Variants in PRIM2 observed in about 807,000 individuals in gnomAD.
PRIM2 encodes DNA primase subunit 2.
Under a neutral mutation model 67.3 loss-of-function variants are expected in PRIM2, and 39 were observed. The observed-to-expected ratio is 0.58, with a 90% confidence interval of 0.45 to 0.76. PRIM2 has a LOEUF of 0.76. Among genes scored for constraint, PRIM2 ranks in the 30% least tolerant of loss-of-function variants. The probability of loss-of-function intolerance (pLI) is 0.00; values close to 1 mark genes in which losing one functional copy is unlikely to be tolerated. For synonymous variants in PRIM2, 143 were observed against 198.7 expected, an observed-to-expected ratio of 0.72 and a Z score of 2.36; for missense variants, 398 against 598.7, an observed-to-expected ratio of 0.66 and a Z score of 3.50.
intron 9 of PRIM2, among the ~76,000 whole-genome samples, chr6:57,533,276 AT>A (rs1348804106): frequency 6.6e-6 from 1 of 152,116 alleles, no homozygotes; most frequent in Non-Finnish European, 1.5e-5. Context: ...ACATAACAGC[AT>A]TTGCACTCCA....
intron 7 of PRIM2, among the ~76,000 whole-genome samples, chr6:57,460,616 T>TAA (rs10667805): frequency 3.1e-5 from 4 of 129,738 alleles, no homozygotes; most frequent in South Asian, 2.6e-4. Context: ...CATCCTGATT[T>TAA]AAAAAAAAAA....
intron 8 of PRIM2, among the ~76,000 whole-genome samples, chr6:57,509,254 A>G (rs1240967480): frequency 1.3e-5 from 2 of 151,848 alleles, no homozygotes; most frequent in East Asian, 3.8e-4. Flanking sequence ...CAAGTCTAAT[A>G]TTTCAGCAGG....
chr6:57,466,450 C>T lies in PRIM2; in HGVS notation c.694-40937C>T, dbSNP rs527631903. ...TACACTCCCACAAACAGTGTAAAAG[C>T]GTTCCTATTTCTCCACATCCTCTCC... On this transcript the variant is annotated intron_variant, in intron 7 of 13. Transcript: ENST00000615550. 6.5e-3 allele frequency among the ~76,000 whole-genome samples: 996 copies of T among 152,256 alleles called. 11 individuals are homozygous for T. Among genetic ancestry groups the T allele is most frequent in the African/African-American group, 0.023 (943 of 41,556 alleles).
At chr6:57,343,440 T>C (rs1768561500) in intron 5 of PRIM2, among the ~76,000 whole-genome samples, 1 of 152,162 alleles carries the variant, frequency 6.6e-6, no homozygotes, top group Non-Finnish European at 1.5e-5. Context: ...GCCTGCAAAA[T>C]AGAGAGCTGT....
chr6:57,645,944 T>A lies in PRIM2; in HGVS notation c.1316T>A (p.Phe439Tyr). 1.3e-6 allele frequency: 2 copies of A among 1,588,380 alleles called. No individual in the cohort carries two copies. The highest frequency in any genetic ancestry group is 1.7e-6 in the Non-Finnish European group (2 of 1,157,508). ...EMIHNVDDCGFSLNHPNQFFC... is the reference protein window; with the variant it reads ...EMIHNVDDCGYSLNHPNQFFC... ...CCTTTACAGGTGGATGATTGTGGCT[T>A]TTCTTTGAATCATCCTAATCAGTTC... is the stretch of plus-strand genomic sequence containing the variant. Residue 439 changes from phenylalanine to tyrosine, a missense_variant, in exon 14 of 14, where the codon TTT (phenylalanine) becomes TAT (tyrosine). By Grantham distance (22) the Phe-to-Tyr change is conservative (BLOSUM62 3). Coordinates refer to ENST00000615550, the MANE Select transcript of PRIM2 (RefSeq NM_000947.5).
the PRIM2 span, among the ~76,000 whole-genome samples, chr6:57,230,618 C>T: frequency 6.6e-6 from 1 of 152,056 alleles, no homozygotes; most frequent in Non-Finnish European, 1.5e-5. Flanking sequence ...CATCACTTGC[C>T]AGGGGTCGTA....
the PRIM2 span, among the ~76,000 whole-genome samples, chr6:57,276,506 A>G: frequency 6.6e-6 from 1 of 152,144 alleles, no homozygotes; most frequent in African/African-American, 2.4e-5. Flanking sequence ...TATAATAGTA[A>G]AAAAGAAAAG....
Position 57,554,056 on chromosome 6 carries a change from G to A in PRIM2, c.1020+16431G>A, listed in dbSNP as rs1443397987. ...TGATGATTATCTGCTACAGTTTTAC[G>A]TATTTTAATCATTAACTTATTGATT... On this transcript the variant is annotated intron_variant, in intron 10 of 13. Transcript: ENST00000615550. 3.3e-5 allele frequency among the ~76,000 whole-genome samples: 5 copies of A among 152,188 alleles called. No homozygotes were observed. In the East Asian group the frequency reaches 5.8e-4, roughly 18 times the overall value.
chr6:57,549,694 T>C (rs1406522937), intron 10 of PRIM2, among the ~76,000 whole-genome samples: 2 of 152,248 alleles, frequency 1.3e-5, no homozygotes, highest in Non-Finnish European at 2.9e-5. Flanking sequence ...GACACAAATA[T>C]TAGTTTTCTA....
chr6:57,263,391 C>T, the PRIM2 span, among the ~76,000 whole-genome samples: 2 of 152,190 alleles, frequency 1.3e-5, no homozygotes, highest in African/African-American at 4.8e-5. Flanking sequence ...CTTGCCCCTT[C>T]CCAGCTTCTG....
At chr6:57,407,347 A>C (rs1477766485) in intron 7 of PRIM2, among the ~76,000 whole-genome samples, 1 of 151,872 alleles carries the variant, frequency 6.6e-6, no homozygotes, top group African/African-American at 2.4e-5. Flanking sequence ...TTTTGTTCAA[A>C]ATATTAAGAA....
At chr6:57,276,651 TG>T in the PRIM2 span, among the ~76,000 whole-genome samples, 3 of 152,016 alleles carry the variant, frequency 2.0e-5, no homozygotes, top group Non-Finnish European at 4.4e-5. Context: ...ATGATATATT[TG>T]GGAGGCCAAA....
chr6:57,521,406 G>A (rs1194097786), intron 8 of PRIM2, among the ~76,000 whole-genome samples: 1 of 130,684 alleles, frequency 7.7e-6, no homozygotes, highest in East Asian at 2.6e-4. Context: ...CACCCTAAGT[G>A]GGTAAAATTG....
intron 12 of PRIM2, among the ~76,000 whole-genome samples, chr6:57,627,918 A>C (rs1436592466): frequency 6.6e-6 from 1 of 152,200 alleles, no homozygotes; most frequent in Admixed American, 6.5e-5. Context: ...ATTTTTCTAA[A>C]ACAGATTTGG....
chr6:57,442,051 A>G, intron 7 of PRIM2, among the ~76,000 whole-genome samples: 1 of 152,230 alleles, frequency 6.6e-6, no homozygotes, highest in Non-Finnish European at 1.5e-5. Context: ...GAAGAGGAAC[A>G]TATTAGGAAA....
At chr6:57,287,263 T>G in the PRIM2 span, among the ~76,000 whole-genome samples, 1 of 152,314 alleles carries the variant, frequency 6.6e-6, no homozygotes, top group East Asian at 1.9e-4. Flanking sequence ...ACTGGGTACA[T>G]ACCCAAAGGA....
chr6:57,319,637 A>G (rs1165871915), intron 2 of PRIM2, among the ~76,000 whole-genome samples: 1 of 152,170 alleles, frequency 6.6e-6, no homozygotes. Context: ...AGTGGTAGGA[A>G]GGGAGAGAGT....
intron 7 of PRIM2, among the ~76,000 whole-genome samples, chr6:57,485,851 C>T (rs1321098848): frequency 6.6e-6 from 1 of 152,166 alleles, no homozygotes; most frequent in African/African-American, 2.4e-5. Flanking sequence ...GTTAAACAAG[C>T]CCTGGCTTCC....
chr6:57,252,620 T>C, the PRIM2 span, among the ~76,000 whole-genome samples: 1 of 152,204 alleles, frequency 6.6e-6, no homozygotes. Context: ...TTTGTGTTTT[T>C]AGTGGAGACG....
Sources: allele counts gnomAD v4.1 joint callset (sites outside exome capture counted in the v4.1 genomes callset), GRCh38; gene constraint gnomAD v4.1.1; transcripts MANE v1.5; gene names NCBI Gene and HGNC (gene_info 2026-07-23, HGNC 2026-07-21).